The following ERCC2 variants were observed in gnomAD, a reference collection of about 807,000 sequenced individuals.
ERCC2 encodes the protein general transcription and DNA repair factor IIH helicase subunit XPD.
A neutral mutation model predicts 99.4 loss-of-function variants in ERCC2; 90 were observed. The ratio of observed to expected loss-of-function variants is 0.91; its 90% CI spans 0.76 to 1.08. The LOEUF (loss-of-function observed/expected upper bound fraction) is 1.08. ERCC2 is among the 50% of genes least tolerant of loss of function. The probability of loss-of-function intolerance (pLI) is 0.00; values close to 1 mark genes in which losing one functional copy is unlikely to be tolerated. For synonymous variants in ERCC2, 497 were observed against 432.4 expected, an observed-to-expected ratio of 1.15 and a Z score of -1.85; for missense variants, 993 against 1,038.1, an observed-to-expected ratio of 0.96 and a Z score of 0.60.
chr19:45,363,963 G>A (rs1406929553), intron 10 of ERCC2, 23 bp downstream of exon 10: 1 of 1,538,044 alleles, frequency 6.5e-7, no homozygotes, highest in East Asian at 2.4e-5. Context: ...GGGACTGGGG[G>A]GCAGCGGGGG....
In ERCC2 at chr19:45,357,389, G is replaced by A; in HGVS notation, c.1378-18C>T. ...GACAGTGTCTGTGGCGGGACAGTGG[G>A]AGGGATCTCAGCAGGACTGGGCAGG... On this transcript the variant is annotated intron_variant, in intron 14 of 22. Coordinates refer to ENST00000391945, the MANE Select transcript of ERCC2 (RefSeq NM_000400.4). The A allele has an allele frequency of 1.2e-6, 2 of 1,611,532 alleles. No homozygotes were observed. Among genetic ancestry groups the A allele is most frequent in the East Asian group, 4.5e-5 (2 of 44,856 alleles).
At chr19:45,354,470 C>A (rs139804940) in intron 17 of ERCC2, among the ~76,000 whole-genome samples, 3 of 152,200 alleles carry the variant, frequency 2.0e-5, no homozygotes, top group Non-Finnish European at 2.9e-5. Flanking sequence ...GAACCTAGAA[C>A]GTGGGGGTGA....
Position 45,364,096 on chromosome 19 carries a change from C to A in ERCC2, c.839G>T (p.Arg280Leu). 6.2e-7 allele frequency: 1 copy of A among 1,606,864 alleles called. No homozygotes were observed. The highest frequency in any genetic ancestry group is 1.1e-5 in the South Asian group (1 of 90,234). ...VLRIKETDEQ[R>L]LRDEYRRLVE... ...CAGACGCCGGTACTCGTCCCGCAGGCGCTGCTCGTCTGTCTCTTTGATCCT... is the reference window on the plus strand; with the variant it reads ...CAGACGCCGGTACTCGTCCCGCAGGAGCTGCTCGTCTGTCTCTTTGATCCT... The change falls in exon 10 of 23, where the codon CGC becomes CTC. Residue 280 changes from arginine (R) to leucine (L), a missense_variant. By Grantham distance (102) the Arg-to-Leu change is moderately radical. Transcript: ENST00000391945.
Position 45,364,250 on chromosome 19 carries a change from T to C in ERCC2, c.800A>G (p.Gln267Arg). The C allele has an allele frequency of 6.2e-7, 1 of 1,613,812 alleles. No homozygotes were observed. Among genetic ancestry groups the C allele is most frequent in the African/African-American group, 1.3e-5 (1 of 75,060 alleles). ...DRCQGNLETL[Q>R]KTVLRIKETD... ...CCGGCCCCACCTGAGCACCGTCTTC[T>C]GCAGGGTCTCCAGGTTGCCCTGGCA... The change falls in exon 9 of 23, where the codon CAG becomes CGG. Residue 267 changes from glutamine (Q) to arginine (R), a missense_variant. By Grantham distance (43) the Gln-to-Arg change is conservative. Transcript: ENST00000391945.
At chr19:45,367,003 C>A (rs910181643) in intron 5 of ERCC2, among the ~76,000 whole-genome samples, 23 of 152,080 alleles carry the variant, frequency 1.5e-4, no homozygotes, top group African/African-American at 5.3e-4. Context: ...CCACTGCACT[C>A]CAGCCTGGGC....
rs753597424 is a variant in ERCC2 at position 45,352,664 on chromosome 19, G to C, written c.1903-15C>G. 1.9e-6 allele frequency: 3 copies of C among 1,613,902 alleles called. No individual in the cohort carries two copies. In the African/African-American group the frequency reaches 4.0e-5, roughly 22 times the overall value. ...TCCAGCCGCGCCTGCAGATACGGAG[G>C]ATGAGAAGCTGGGGAGGTGGGGGAG... is the stretch of plus-strand genomic sequence containing the variant. On this transcript the variant is annotated splice_polypyrimidine_tract_variant and intron_variant, in intron 20 of 22. Transcript: ENST00000391945.
chr19:45,355,851 C>G, intron 15 of ERCC2, 123 bp from the exon 16 acceptor site: 4 of 779,248 alleles, frequency 5.1e-6, no homozygotes, highest in Non-Finnish European at 8.6e-6. Flanking sequence ...GACAGGGTGT[C>G]ACCATGTTGC....
At chr19:45,357,774 CCTGCTCCCTCG>C (rs1215936423) in intron 12 of ERCC2, 75 bp from the exon 13 acceptor site, 20 of 1,331,098 alleles carry the variant, frequency 1.5e-5, no homozygotes, top group Non-Finnish European at 2.1e-6. Flanking sequence ...CATTCCCTCT[CCTGCTCCCTCG>C]CTTCACCCCA....
chr19:45,359,206 G>A (rs1207335156), intron 12 of ERCC2, among the ~76,000 whole-genome samples: 1 of 152,188 alleles, frequency 6.6e-6, no homozygotes, highest in Non-Finnish European at 1.5e-5. Flanking sequence ...AGGATGAGGG[G>A]GAGGTGGTTG....
At chr19:45,370,409 G>A in intron 1 of ERCC2, 127 bp downstream of exon 1, 19 of 1,503,516 alleles carry the variant, frequency 1.3e-5, no homozygotes, top group Non-Finnish European at 1.5e-5. Context: ...TGCTCCCTGC[G>A]GCTGCCCCCG....
Position 45,355,698 on chromosome 19 carries a change from T to C in ERCC2, c.1510A>G (p.Ile504Val), listed in dbSNP as rs753317794. Residue 504 changes from isoleucine (I) to valine (V), a missense_variant, in exon 16 of 23, where the codon ATC (isoleucine) becomes GTC (valine). By Grantham distance (29) the Ile-to-Val change is conservative. Around this residue, in one of 3 missense-constraint regions of ERCC2, gnomAD observed 909 missense variants for 930.8 expected, o/e 0.98. Coordinates refer to ENST00000391945, the MANE Select transcript of ERCC2 (RefSeq NM_000400.4). ...IIGRGNDQVAISSKFETREDI... is the reference protein window; with the variant it reads ...IIGRGNDQVAVSSKFETREDI... ...TCCCGGGTCTCAAATTTGGAGCTGA[T>C]GGCCACCTGGTCATTGCCACGGCCG... is the stretch of plus-strand genomic sequence containing the variant. 9.3e-6 allele frequency: 15 copies of C among 1,614,046 alleles called. No homozygotes were observed. The Middle Eastern group carries it at 4.9e-4, about 53-fold the overall frequency.
rs774977350 is a variant in ERCC2 at position 45,364,037 on chromosome 19, C to G, written c.898G>C (p.Glu300Gln). The G allele has an allele frequency of 5.8e-6, 9 of 1,561,112 alleles. No homozygotes were observed. In the African/African-American group the frequency reaches 1.2e-4, roughly 21 times the overall value. Residue 300 changes from glutamate (E) to glutamine (Q), a missense_variant, in exon 10 of 23, where the codon GAG (glutamate) becomes CAG (glutamine). Glu to Gln is a conservative substitution (Grantham distance 29). This residue lies in a region of ERCC2 where 909 missense variants were observed against 930.8 expected (regional missense o/e 0.98). Transcript: ENST00000391945. Reference protein sequence around the residue: ...EGLREASAARETDAHLANPVL... With the variant: ...EGLREASAARQTDAHLANPVL... ...GGGTTGGCCAGGTGGGCGTCCGTCT[C>G]CCGGGCGGCGCTGGCCTCCCGCAGC...
intron 19 of ERCC2, 106 bp from the exon 20 acceptor site, chr19:45,352,922 T>C: frequency 8.1e-7 from 1 of 1,232,558 alleles, no homozygotes; most frequent in South Asian, 1.2e-5. Flanking sequence ...GGGGAGAGGG[T>C]GTGTTCCCGC....
chr19:45,370,515 G>C (rs550462386), intron 1 of ERCC2, 21 bp downstream of exon 1: 2 of 1,536,184 alleles, frequency 1.3e-6, no homozygotes, highest in Non-Finnish European at 1.8e-6. Context: ...TAGCGAGCGC[G>C]ACCCCCAGCC....
chr19:45,368,560 G>A (rs1972504153), intron 5 of ERCC2, 70 bp downstream of exon 5: 3 of 1,004,348 alleles, frequency 3.0e-6, no homozygotes, highest in Non-Finnish European at 1.6e-6. Context: ...GGGGATCCAG[G>A]ACTTGTGGTT....
At chr19:45,365,461 ATT>A (rs1972395023) in intron 5 of ERCC2, among the ~76,000 whole-genome samples, 1 of 152,136 alleles carries the variant, frequency 6.6e-6, no homozygotes, top group African/African-American at 2.4e-5. Context: ...CTAAAAATAC[ATT>A]AGCCAGGCGT....
At chr19:45,361,487 T>G (rs1972217062) in intron 12 of ERCC2, 37 bp downstream of exon 12, 1 of 1,448,880 alleles carries the variant, frequency 6.9e-7, no homozygotes, top group African/African-American at 1.4e-5. Flanking sequence ...TTCCAGCTGC[T>G]AGGAGGCCCA....
intron 11 of ERCC2, 150 bp downstream of exon 11, chr19:45,363,593 A>G (rs1972302819): frequency 2.2e-6 from 2 of 920,150 alleles, no homozygotes; most frequent in Admixed American, 5.6e-5. Flanking sequence ...CGGACCTCCC[A>G]GGTCAGACCA....
At chr19:45,352,434 G>C in intron 21 of ERCC2, 72 bp downstream of exon 21, 2 of 1,613,814 alleles carry the variant, frequency 1.2e-6, no homozygotes, top group Non-Finnish European at 1.7e-6. Context: ...CACCCCACCT[G>C]GGAAATGAAC....
Sources: gnomAD v4.1 joint callset for allele counts (sites outside exome capture counted in the v4.1 genomes callset) on GRCh38, gnomAD v4.1.1 for gene constraint, gnomAD v4.1.1 regional missense constraint, MANE v1.5 for transcripts, NCBI Gene and HGNC (gene_info 2026-07-23, HGNC 2026-07-21) for gene names.